MYH15: variants seen among roughly 807,000 people sequenced by gnomAD.
MYH15 encodes myosin heavy chain 15, also known as myosin-15.
Under a neutral mutation model 240.5 loss-of-function variants are expected in MYH15, and 227 were observed. That is an observed-to-expected ratio of 0.94 (90% CI 0.85 to 1.05). MYH15 has a LOEUF of 1.05. MYH15 is among the 50% of genes least tolerant of loss of function. The pLI is 0.00. For missense variants in MYH15, 2,217 were observed against 2,247.5 expected (o/e 0.99, Z 0.27); for synonymous variants, 785 against 796.7 (o/e 0.99, Z 0.25).
intron 14 of MYH15, 92 bp from the exon 15 acceptor site, chr3:108,464,906 C>A: frequency 8.6e-7 from 1 of 1,156,564 alleles, no homozygotes; most frequent in Non-Finnish European, 1.2e-6. Context: ...GGAACCTAAT[C>A]AGTTGACAAA....
intron 21 of MYH15, among the ~76,000 whole-genome samples, chr3:108,452,025 T>G (rs1455917905): frequency 1.3e-5 from 2 of 151,254 alleles, no homozygotes; most frequent in African/African-American, 2.4e-5. Flanking sequence ...CATCATTTGT[T>G]AAAGGGAAAT....
At chr3:108,481,043 G>GA (rs1430366283) in intron 11 of MYH15, among the ~76,000 whole-genome samples, 1 of 152,004 alleles carries the variant, frequency 6.6e-6, no homozygotes, top group Non-Finnish European at 1.5e-5. Flanking sequence ...GAAGCATACT[G>GA]AAAAAAACTC....
chr3:108,485,066 A>G, intron 11 of MYH15, 25 bp downstream of exon 11: 1 of 1,611,848 alleles, frequency 6.2e-7, no homozygotes, highest in South Asian at 1.1e-5. Flanking sequence ...TGAAGTATAT[A>G]CCATATCTTC....
the MYH15 span, among the ~76,000 whole-genome samples, chr3:108,548,122 T>C: frequency 6.6e-6 from 1 of 152,134 alleles, no homozygotes; most frequent in South Asian, 2.1e-4. Flanking sequence ...ACCTATATAG[T>C]TGCAAGGTTT....
chr3:108,455,816 C>T lies in MYH15; in HGVS notation c.2182G>A (p.Val728Met). The change falls in exon 20 of 41, where the codon GTG (valine) becomes ATG (methionine). Residue 728 changes from valine (V) to methionine (M), a missense_variant. Val to Met is a conservative substitution (Grantham distance 21, BLOSUM62 1). Transcript: ENST00000693548. ...NPRTFPKSKF[V>M]SSRKAAEELL... ...TCTTCAGCTGCTTTTCTGCTGCTCA[C>T]AAACTTGCTCTTTGGAAAGGTCCTT... 6.2e-7 allele frequency: 1 copy of T among 1,613,234 alleles called. No individual in the cohort carries two copies. The highest frequency in any genetic ancestry group is 8.5e-7 in the Non-Finnish European group (1 of 1,179,270).
At chr3:108,400,714 C>A (rs1317003146) in intron 33 of MYH15, among the ~76,000 whole-genome samples, 1 of 152,092 alleles carries the variant, frequency 6.6e-6, no homozygotes, top group African/African-American at 2.4e-5. Flanking sequence ...GAGGCTGAGG[C>A]AGGAGAATCA....
At chr3:108,426,814 G>GC (rs1336134583) in intron 27 of MYH15, among the ~76,000 whole-genome samples, 1 of 145,896 alleles carries the variant, frequency 6.9e-6, no homozygotes. Flanking sequence ...GCTCCTGCCA[G>GC]GGGGGGGCAG....
intron 38 of MYH15, 137 bp from the exon 39 acceptor site, chr3:108,384,919 T>A: frequency 1.4e-6 from 1 of 698,430 alleles, no homozygotes; most frequent in Non-Finnish European, 2.4e-6. Flanking sequence ...ACAATGGGTT[T>A]AACTCACCCA....
chr3:108,428,479 T>A lies in MYH15; in HGVS notation c.3702+13A>T. 6.3e-7 allele frequency: 1 copy of A among 1,595,064 alleles called. No homozygotes were observed. The highest frequency in any genetic ancestry group is 2.2e-5 in the East Asian group (1 of 44,536). On this transcript the variant is annotated intron_variant, in intron 27 of 40. Transcript: ENST00000693548. ...TGTTCAGAAGACCACGAGGATGGCA[T>A]GGGAGTATCTACCTTAGCTCTTGTC...
intron 38 of MYH15, among the ~76,000 whole-genome samples, chr3:108,385,885 TCTC>T: frequency 6.6e-6 from 1 of 151,986 alleles, no homozygotes; most frequent in East Asian, 1.9e-4. Flanking sequence ...GCCAAGCTAT[TCTC>T]ATCATCTGGA....
upstream of MYH15, among the ~76,000 whole-genome samples, chr3:108,511,443 A>T (rs922862915): frequency 2.0e-5 from 3 of 152,226 alleles, no homozygotes; most frequent in African/African-American, 7.2e-5. Context: ...TATCAGTCTT[A>T]GAGGGACTAA....
intron 27 of MYH15, among the ~76,000 whole-genome samples, chr3:108,423,432 C>T (rs10933943): frequency 0.081 from 12,266 of 152,260 alleles, 1,238 homozygotes; most frequent in East Asian, 0.51. Context: ...GTTTCTCGAA[C>T]GATGCCATCA....
chr3:108,427,602 CACACACACACACACA>C (rs567333967), intron 27 of MYH15, among the ~76,000 whole-genome samples: 2,461 of 99,078 alleles, frequency 0.025, 56 homozygotes, highest in African/African-American at 0.089. Context: ...GACTAAGACA[CACACACACACACACA>C]ACACACACAC....
At chr3:108,539,296 G>A in the MYH15 span, among the ~76,000 whole-genome samples, 8 of 152,060 alleles carry the variant, frequency 5.3e-5, no homozygotes, top group Admixed American at 2.6e-4. Context: ...AAACAATACC[G>A]CCGTGTTAAC....
intron 11 of MYH15, among the ~76,000 whole-genome samples, chr3:108,481,941 C>T (rs1176510902): frequency 6.6e-6 from 1 of 152,068 alleles, no homozygotes; most frequent in African/African-American, 2.4e-5. Flanking sequence ...CAAGGGCTGA[C>T]TGACACTGTG....
rs760101900 is a variant in MYH15 at position 108,460,308 on chromosome 3, G to A, written c.1924C>T (p.Leu642=). ...KGASFQTVAS[L]HKENLNKLMT... is the part of the protein sequence containing the mutation. ...ACGCAATTAAAAATTACTTTATGCA[G>A]AGATGCAACCGTTTGGAATGAAGCT... is the stretch of plus-strand genomic sequence containing the variant. The change falls in exon 17 of 41, where the codon CTG becomes TTG. Residue 642 remains leucine, a synonymous_variant. Coordinates refer to ENST00000693548, the MANE Select transcript of MYH15 (RefSeq NM_014981.3). 22 of 1,597,430 alleles carry A rather than the reference G, an allele frequency of 1.4e-5. No individual in the cohort carries two copies. Among genetic ancestry groups the A allele is most frequent in the Non-Finnish European group, 1.7e-5 (20 of 1,171,458 alleles).
intron 1 of MYH15, among the ~76,000 whole-genome samples, chr3:108,509,362 AT>A (rs2083503880): frequency 6.6e-6 from 1 of 152,090 alleles, no homozygotes; most frequent in Admixed American, 6.6e-5. Context: ...CATCACTATT[AT>A]CTTGTCCTCC....
At chr3:108,519,125 A>G (rs2083597635) in intron 1 of MYH15, among the ~76,000 whole-genome samples, 1 of 152,170 alleles carries the variant, frequency 6.6e-6, no homozygotes, top group African/African-American at 2.4e-5. Flanking sequence ...TGGTTAGAAA[A>G]GCATCTAACC....
intron 2 of MYH15, among the ~76,000 whole-genome samples, chr3:108,503,322 G>A (rs1279618768): frequency 6.6e-6 from 1 of 152,134 alleles, no homozygotes; most frequent in African/African-American, 2.4e-5. Context: ...CTCACATCTG[G>A]AGGCCTAATA....
Sources: gnomAD v4.1 joint callset for allele counts (sites outside exome capture counted in the v4.1 genomes callset) on GRCh38, gnomAD v4.1.1 for gene constraint, MANE v1.5 for transcripts, NCBI Gene and HGNC (gene_info 2026-07-23, HGNC 2026-07-21) for gene names.